CA6: variants seen among roughly 807,000 people sequenced by gnomAD.
CA6 encodes carbonic anhydrase 6, also known as carbonate dehydratase VI.
A neutral mutation model predicts 35.9 loss-of-function variants in CA6; 28 were observed. That is an observed-to-expected ratio of 0.78 (90% CI 0.58 to 1.07). The LOEUF (loss-of-function observed/expected upper bound fraction) is 1.07. Among genes scored for constraint, CA6 ranks in the 50% least tolerant of loss-of-function variants. The pLI, the probability that CA6 is intolerant of heterozygous loss-of-function variation, is 0.00. For missense variants in CA6, 377 were observed against 382.0 expected, an observed-to-expected ratio of 0.99 and a Z score of 0.11; for synonymous variants, 148 against 152.6, an observed-to-expected ratio of 0.97 and a Z score of 0.22.
intron 2 of CA6, chr1:8,951,474 G>C (rs762761526): frequency 1.3e-6 from 1 of 764,974 alleles, no homozygotes; most frequent in Non-Finnish European, 2.4e-6. Flanking sequence ...TGTGGAGAAG[G>C]GGCGAAGCAC....
chr1:8,962,247 A>AC (rs1263538103), intron 4 of CA6, among the ~76,000 whole-genome samples: 1 of 150,002 alleles, frequency 6.7e-6, no homozygotes, highest in African/African-American at 2.5e-5. Context: ...TAAAAAAAAA[A>AC]AAAAACTCAC....
At chr1:8,960,419 A>T (rs1481607256) in intron 4 of CA6, among the ~76,000 whole-genome samples, 2 of 151,944 alleles carry the variant, frequency 1.3e-5, no homozygotes, top group Non-Finnish European at 2.9e-5. Context: ...AACAACTATC[A>T]TAAATGTTTG....
At chr1:8,958,878 T>C in intron 3 of CA6, 32 bp from the exon 4 acceptor site, 2 of 1,163,182 alleles carry the variant, frequency 1.7e-6, no homozygotes, top group Non-Finnish European at 2.6e-6. Context: ...TTCTATGAAC[T>C]GCCCTTGACC....
At chr1:8,951,306 A>G (rs766189542) in intron 2 of CA6, 63 of 604,236 alleles carry the variant, frequency 1.0e-4, no homozygotes, top group Non-Finnish European at 1.5e-4. Flanking sequence ...CTCTGTCTGT[A>G]AAAGGACTCA....
intron 4 of CA6, among the ~76,000 whole-genome samples, chr1:8,960,651 G>A (rs1164218041): frequency 6.6e-6 from 1 of 151,508 alleles, no homozygotes; most frequent in Admixed American, 6.6e-5. Context: ...TGAAGATAGA[G>A]CAATGAAATT....
At chr1:8,946,669 C>T (rs904112486) in intron 1 of CA6, among the ~76,000 whole-genome samples, 3 of 151,990 alleles carry the variant, frequency 2.0e-5, no homozygotes, top group South Asian at 4.1e-4. Flanking sequence ...GGTAACCTCA[C>T]GGAAGGTGCT....
At chr1:8,964,972 G>A (rs554354120) in intron 5 of CA6, among the ~76,000 whole-genome samples, 14 of 152,226 alleles carry the variant, frequency 9.2e-5, no homozygotes, top group African/African-American at 3.4e-4. Flanking sequence ...GGCTGGGTGC[G>A]GTGGCTCACA....
intron 2 of CA6, among the ~76,000 whole-genome samples, chr1:8,954,429 T>C (rs1363913087): frequency 6.6e-6 from 1 of 152,094 alleles, no homozygotes; most frequent in Non-Finnish European, 1.5e-5. Flanking sequence ...CCTCCCAAAG[T>C]GCTGGGATTA....
chr1:8,967,065 C>T (rs1246518370), intron 5 of CA6, among the ~76,000 whole-genome samples: 2 of 152,186 alleles, frequency 1.3e-5, no homozygotes, highest in East Asian at 3.8e-4. Context: ...CCAAGCAATC[C>T]TCCCGCCTTG....
In CA6 at chr1:8,957,146, G is replaced by A. The variant is rs1162459390; in HGVS notation, c.269G>A (p.Ser90Asn). 3 of 1,609,082 alleles carry A rather than the reference G, an allele frequency of 1.9e-6. No individual in the cohort carries two copies. Among genetic ancestry groups the A allele is most frequent in the Non-Finnish European group, 2.5e-6 (3 of 1,176,802 alleles). The change falls in exon 3 of 8, where the codon AGC becomes AAC. Residue 90 changes from serine (S) to asparagine (N), a missense_variant. Physicochemically the swap from Ser to Asn is conservative, Grantham distance 46 (BLOSUM62 1). Coordinates refer to ENST00000377443, the MANE Select transcript of CA6 (RefSeq NM_001215.4). Reference protein sequence around the residue: ...MVNNGHTVQISLPSTMRMTVA... With the variant: ...MVNNGHTVQINLPSTMRMTVA... The stretch of plus-strand genomic sequence containing the variant: ...CACCTTGTCTCTCCAGTGCAGATCA[G>A]CCTGCCCTCCACCATGCGCATGACA...
intron 1 of CA6, among the ~76,000 whole-genome samples, chr1:8,948,969 C>CAA (rs35309398): frequency 7.1e-6 from 1 of 141,062 alleles, no homozygotes; most frequent in African/African-American, 2.7e-5. Context: ...GACCCTGTCT[C>CAA]AAAAAAAAAA....
At chr1:8,952,369 T>G (rs1424418821) in intron 2 of CA6, 1 of 152,258 alleles carries the variant, frequency 6.6e-6, no homozygotes, top group South Asian at 2.1e-4. Context: ...ACTCCTGACC[T>G]CAAGTGATCC....
At chr1:8,946,299 T>G (rs1639362637) in intron 1 of CA6, among the ~76,000 whole-genome samples, 2 of 152,094 alleles carry the variant, frequency 1.3e-5, no homozygotes, top group South Asian at 4.1e-4. Context: ...CCCAAAGTGC[T>G]GGGATTACAG....
chr1:8,964,158 T>G (rs12063791), intron 5 of CA6, among the ~76,000 whole-genome samples: 3,881 of 152,264 alleles, frequency 0.025, 193 homozygotes, highest in African/African-American at 0.089. Flanking sequence ...CCCTCCCACG[T>G]GGGGCCCAAC....
At chr1:8,960,226 G>A (rs150440307) in intron 4 of CA6, among the ~76,000 whole-genome samples, 6 of 146,818 alleles carry the variant, frequency 4.1e-5, no homozygotes, top group Non-Finnish European at 6.0e-5. Flanking sequence ...GCGAGACTCC[G>A]TCTCAAAAAA....
intron 6 of CA6, among the ~76,000 whole-genome samples, chr1:8,968,861 C>T (rs1459356584): frequency 6.6e-6 from 1 of 151,034 alleles, no homozygotes. Context: ...ACTAAAAGTA[C>T]AAAAAATTAG....
At position 8,962,630 on chromosome 1, in the gene CA6, C is replaced by A; in HGVS notation, c.545C>A (p.Ser182Tyr). Residue 182 changes from serine (S) to tyrosine (Y), a missense_variant, in exon 5 of 8, where the codon TCT (serine) becomes TAT (tyrosine). Transcript: ENST00000377443. ...AACACTTATTACAGCAACTTCATTT[C>A]TCATCTGGCCAACATCAAGTACCCA... ...PENTYYSNFI[S>Y]HLANIKYPGQ... 6.2e-7 allele frequency: 1 copy of A among 1,613,878 alleles called. No homozygotes were observed. Among genetic ancestry groups the A allele is most frequent in the Non-Finnish European group, 8.5e-7 (1 of 1,179,790 alleles).
rs757706617 is a variant in CA6, at chr1:8,957,222, AG to A, written c.347del (p.Gly116ValfsTer19). The part of the protein sequence containing the change: ...IAQQMHFHWG[G>X]ASSEISGSEH... ...CCCAGCAGATGCACTTTCACTGGGG[AG>A]GTGCGTCCTCGGAGATCAGCGGCTC... is the stretch of plus-strand genomic sequence containing the variant. On this transcript the variant is annotated frameshift_variant, in exon 3 of 8. Transcript: ENST00000377443. LOFTEE classifies it high-confidence loss of function. The A allele has an allele frequency of 5.6e-6, 9 of 1,613,902 alleles. No homozygotes were observed. The Admixed American group carries it at 1.0e-4, about 18-fold the overall frequency.
At chr1:8,965,136 C>T (rs1417258411) in intron 5 of CA6, among the ~76,000 whole-genome samples, 1 of 151,956 alleles carries the variant, frequency 6.6e-6, no homozygotes, top group Non-Finnish European at 1.5e-5. Context: ...CCCAGTTACT[C>T]GGAAGGCTGA....
Sources: gnomAD v4.1 joint callset for allele counts (sites outside exome capture counted in the v4.1 genomes callset) on GRCh38, gnomAD v4.1.1 for gene constraint, MANE v1.5 for transcripts, NCBI Gene and HGNC (gene_info 2026-07-23, HGNC 2026-07-21) for gene names.